Variants in ARMH1 observed in about 807,000 individuals in gnomAD.
ARMH1 encodes armadillo like helical domain containing 1.
ARMH1 carries 34 observed loss-of-function variants against 50.2 expected under a neutral mutation model. The observed-to-expected ratio is 0.68, with a 90% CI of 0.51 to 0.90. ARMH1 has a LOEUF of 0.90. ARMH1 is among the 40% of genes least tolerant of loss of function. The pLI, the probability that ARMH1 is intolerant of heterozygous loss-of-function variation, is 0.00. For synonymous variants in ARMH1, 221 were observed against 224.2 expected (o/e 0.99, Z 0.13); for missense variants, 538 against 553.9 (o/e 0.97, Z 0.29).
chr1:44,686,104 A>T (rs1180838296), intron 1 of ARMH1, among the ~76,000 whole-genome samples: 2 of 152,214 alleles, frequency 1.3e-5, no homozygotes, highest in Non-Finnish European at 2.9e-5. Context: ...CCAGGACAAC[A>T]TTTGCATACT....
At chr1:44,697,853 G>C (rs1645879625) in intron 3 of ARMH1, among the ~76,000 whole-genome samples, 1 of 152,194 alleles carries the variant, frequency 6.6e-6, no homozygotes, top group African/African-American at 2.4e-5. Flanking sequence ...AGAGATGCTG[G>C]AATGGCAAAA....
At chr1:44,693,539 C>T (rs1457253530) in intron 2 of ARMH1, among the ~76,000 whole-genome samples, 1 of 152,124 alleles carries the variant, frequency 6.6e-6, no homozygotes, top group African/African-American at 2.4e-5. Context: ...GCCTCAACCT[C>T]CCGGGCTTAA....
At chr1:44,676,283 C>T (rs1645138421) in intron 1 of ARMH1, among the ~76,000 whole-genome samples, 1 of 152,162 alleles carries the variant, frequency 6.6e-6, no homozygotes, top group Non-Finnish European at 1.5e-5. Context: ...GCCAATGGAA[C>T]ATCCAAGTGG....
rs562513670 is a variant in ARMH1 at position 44,724,139 on chromosome 1, G to T, written c.742G>T (p.Asp248Tyr). 2.4e-4 allele frequency: 373 copies of T among 1,551,714 alleles called. 2 individuals are homozygous for T. The African/African-American group carries it at 4.7e-3, about 20-fold the overall frequency. Reference protein sequence around the residue: ...VQYEAIELIKDLVGYDVRQAL... With the variant: ...VQYEAIELIKYLVGYDVRQAL... ...TTCCGCAGCCATCGAGTTGATCAAAGACCTGGTCGGTTACGATGTGCGCCA... is the reference window on the plus strand; with the variant it reads ...TTCCGCAGCCATCGAGTTGATCAAATACCTGGTCGGTTACGATGTGCGCCA... Residue 248 changes from aspartate to tyrosine, a missense_variant, in exon 7 of 12, where the codon GAC becomes TAC. Physicochemically the swap from Asp to Tyr is radical, Grantham distance 160 (BLOSUM62 -3). Coordinates refer to ENST00000535358, the MANE Select transcript of ARMH1 (RefSeq NM_001145636.2). The surrounding 1 kb of genome is among the most constrained non-coding windows in gnomAD (Gnocchi z 6.4).
intron 6 of ARMH1, among the ~76,000 whole-genome samples, chr1:44,721,618 G>C (rs983716966): frequency 1.3e-5 from 2 of 151,984 alleles, no homozygotes; most frequent in African/African-American, 4.8e-5. Flanking sequence ...AATTAGACAG[G>C]CTTATGAGGC....
intron 1 of ARMH1, among the ~76,000 whole-genome samples, chr1:44,685,791 C>A (rs1297864608): frequency 6.6e-6 from 1 of 152,068 alleles, no homozygotes; most frequent in Non-Finnish European, 1.5e-5. Context: ...CCACGCCCAG[C>A]TAATTTTTGT....
At position 44,675,203 on chromosome 1, in the gene ARMH1, A is replaced by T. The variant is rs368894863; in HGVS notation, c.-23+330A>T. 2.0e-5 allele frequency among the ~76,000 whole-genome samples: 3 copies of T among 152,152 alleles called. No homozygotes were observed. The East Asian group carries it at 5.8e-4, about 29-fold the overall frequency. ...TCCCTCTCCCATGTCTTAACGGGAGAGGGAGAGAAACCATGCATGAAGCAA... is the reference window on the plus strand; with the variant it reads ...TCCCTCTCCCATGTCTTAACGGGAGTGGGAGAGAAACCATGCATGAAGCAA... On this transcript the variant is annotated intron_variant, in intron 1 of 11. Coordinates refer to ENST00000535358, the MANE Select transcript of ARMH1 (RefSeq NM_001145636.2).
intron 6 of ARMH1, among the ~76,000 whole-genome samples, chr1:44,721,606 A>T (rs1647146815): frequency 6.6e-6 from 1 of 152,176 alleles, no homozygotes; most frequent in Non-Finnish European, 1.5e-5. Flanking sequence ...AAAAGTACAC[A>T]AAATTAGACA....
chr1:44,720,147 A>C (rs1282898090), intron 6 of ARMH1, among the ~76,000 whole-genome samples: 1 of 149,336 alleles, frequency 6.7e-6, no homozygotes, highest in Non-Finnish European at 1.5e-5. Context: ...CAGTGAGCCA[A>C]GATCGTGCCA....
intron 1 of ARMH1, among the ~76,000 whole-genome samples, chr1:44,685,383 A>C (rs183055610): frequency 2.0e-5 from 3 of 149,946 alleles, no homozygotes; most frequent in African/African-American, 7.4e-5. Context: ...ATCATAGATC[A>C]CTGCAGCCCC....
intron 6 of ARMH1, among the ~76,000 whole-genome samples, chr1:44,714,262 T>G (rs993745544): frequency 2.6e-4 from 35 of 132,840 alleles, no homozygotes; most frequent in Admixed American, 7.4e-4. Context: ...AGAGCGAGAC[T>G]CCGTCTCAAA....
In ARMH1 at chr1:44,683,556, A is replaced by T. The variant is rs1645377792; in HGVS notation, c.-22-6120A>T. 6.6e-6 allele frequency among the ~76,000 whole-genome samples: 1 copy of T among 152,238 alleles called. No homozygotes were observed. The highest frequency in any genetic ancestry group is 2.1e-4 in the South Asian group (1 of 4,830). ...AGTAGAACCAGGGGATTCTGGGGTT[A>T]GGAAAAGAGTCATTCACAATCCATC... On this transcript the variant is annotated intron_variant, in intron 1 of 11. Coordinates refer to ENST00000535358, the MANE Select transcript of ARMH1 (RefSeq NM_001145636.2). The surrounding 1 kb of genome is among the most constrained non-coding windows in gnomAD (Gnocchi z 4.2).
In ARMH1 at chr1:44,698,210, A is replaced by T. The variant is rs1167783433; in HGVS notation, c.423A>T (p.Glu141Asp). The T allele has an allele frequency of 6.4e-7, 1 of 1,551,904 alleles. No individual in the cohort carries two copies. ...CGAACTCTGGCAGGACATACAAGGA[A>T]CTCATTTGTGAAAGCTATGGTGGGT... Reference protein sequence around the residue: ...VIANSGRTYKELICESYGVRS... With the variant: ...VIANSGRTYKDLICESYGVRS... Residue 141 changes from glutamate (E) to aspartate (D), a missense_variant, in exon 4 of 12, where the codon GAA becomes GAT. Physicochemically the swap from Glu to Asp is conservative, Grantham distance 45 (BLOSUM62 2). Transcript: ENST00000535358.
rs561728578 is a variant in ARMH1, at chr1:44,693,458, T to C, written c.206+3555T>C. On this transcript the variant is annotated intron_variant, in intron 2 of 11. Transcript: ENST00000535358. ...CTCATCATGGATTTGTTGTTGTTGTTGTCTGAGACAGAGTCTCACTCTCAC... is the reference window on the plus strand; with the variant it reads ...CTCATCATGGATTTGTTGTTGTTGTCGTCTGAGACAGAGTCTCACTCTCAC... Among the ~76,000 whole-genome samples, 10 of 152,288 alleles carry C rather than the reference T, an allele frequency of 6.6e-5. No individual in the cohort carries two copies. In the East Asian group the frequency reaches 1.9e-3, roughly 29 times the overall value.
chr1:44,674,754 T>A lies in ARMH1; in HGVS notation c.-142T>A, dbSNP rs1263438811. On this transcript the variant is annotated 5_prime_UTR_variant, in exon 1 of 12. An upstream start codon of the reference 5' UTR is lost. Coordinates refer to ENST00000535358, the MANE Select transcript of ARMH1 (RefSeq NM_001145636.2). ...CTGAAGAGTTGCTGTATTCTGGGAATGGGCAGGGTCACTCGTCCGAACAGA... is the reference window on the plus strand; with the variant it reads ...CTGAAGAGTTGCTGTATTCTGGGAAAGGGCAGGGTCACTCGTCCGAACAGA... The A allele has an allele frequency of 8.2e-6, 2 of 244,256 alleles. No homozygotes were observed. Among genetic ancestry groups the A allele is most frequent in the East Asian group, 1.6e-4 (2 of 12,252 alleles). The allele number at this position is 244,256 out of a possible 1,614,324, so 15.1% of individuals were successfully genotyped here.
chr1:44,716,014 T>A (rs1646835531), intron 6 of ARMH1, among the ~76,000 whole-genome samples: 1 of 152,218 alleles, frequency 6.6e-6, no homozygotes, highest in Admixed American at 6.5e-5. Flanking sequence ...ACCCTCCTGA[T>A]GATACCTCCT....
chr1:44,684,622 G>C (rs1239553865), intron 1 of ARMH1: 2 of 152,358 alleles, frequency 1.3e-5, no homozygotes, highest in East Asian at 3.9e-4. Context: ...CTTAATGCTT[G>C]AAAGCACAAA....
chr1:44,686,353 G>T (rs1645471350), intron 1 of ARMH1, among the ~76,000 whole-genome samples: 1 of 152,170 alleles, frequency 6.6e-6, no homozygotes, highest in Non-Finnish European at 1.5e-5. Context: ...ATAGTAGTTT[G>T]CTACTTGAAG....
rs1254783950 is a variant in ARMH1 at position 44,698,171 on chromosome 1, A to G, written c.384A>G (p.Leu128=). The G allele has an allele frequency of 2.6e-6, 4 of 1,552,336 alleles. No individual in the cohort carries two copies. The highest frequency in any genetic ancestry group is 2.0e-5 in the Admixed American group (1 of 50,994). The change falls in exon 4 of 12, where the codon CTA becomes CTG. Residue 128 remains leucine, a synonymous_variant. Coordinates refer to ENST00000535358, the MANE Select transcript of ARMH1 (RefSeq NM_001145636.2). ...KEEAKKESVK[L]LQVIANSGRT... is the part of the protein sequence containing the mutation. Reference sequence around the variant, plus strand: ...AGGCCAAGAAGGAATCTGTCAAACTACTTCAGGTTATTGCGAACTCTGGCA... The same window carrying G: ...AGGCCAAGAAGGAATCTGTCAAACTGCTTCAGGTTATTGCGAACTCTGGCA...
Sources: allele counts gnomAD v4.1 joint callset (sites outside exome capture counted in the v4.1 genomes callset), GRCh38; gene constraint gnomAD v4.1.1; non-coding constraint Gnocchi (gnomAD v3.1); transcripts MANE v1.5; gene names NCBI Gene and HGNC (gene_info 2026-07-23, HGNC 2026-07-21).